PABPC4L: variants seen among roughly 807,000 people sequenced by gnomAD.
The protein encoded by PABPC4L is poly(A) binding protein cytoplasmic 4 like.
For missense variants in PABPC4L, 452 were observed against 451.4 expected, an observed-to-expected ratio of 1.00 and a Z score of -0.01; for synonymous variants, 169 against 164.1, an observed-to-expected ratio of 1.03 and a Z score of -0.23.
chr4:134,170,924 T>C, the PABPC4L span, among the ~76,000 whole-genome samples: 1 of 152,186 alleles, frequency 6.6e-6, no homozygotes, highest in Admixed American at 6.6e-5. Context: ...CTTTCCCCAA[T>C]TGCTGAAATA....
chr4:134,146,193 A>T, the PABPC4L span, among the ~76,000 whole-genome samples: 1 of 151,984 alleles, frequency 6.6e-6, no homozygotes, highest in African/African-American at 2.4e-5. Flanking sequence ...TTATTAACAT[A>T]CTAAATTTAT....
the PABPC4L span, among the ~76,000 whole-genome samples, chr4:134,136,385 T>A: frequency 6.6e-6 from 1 of 152,150 alleles, no homozygotes; most frequent in Non-Finnish European, 1.5e-5. Flanking sequence ...ACATTCCTTC[T>A]GTTAGTCTGC....
chr4:134,094,369 G>A, the PABPC4L span, among the ~76,000 whole-genome samples: 1,930 of 151,932 alleles, frequency 0.013, 41 homozygotes, highest in African/African-American at 0.041. Context: ...AACAAGTTAT[G>A]ATACTAAAAC....
chr4:134,045,710 T>C, the PABPC4L span, among the ~76,000 whole-genome samples: 1 of 152,282 alleles, frequency 6.6e-6, no homozygotes, highest in East Asian at 1.9e-4. Context: ...GGTGCCGTCC[T>C]ACTTACTACT....
At chr4:133,990,591 A>G in the PABPC4L span, among the ~76,000 whole-genome samples, 3 of 152,118 alleles carry the variant, frequency 2.0e-5, no homozygotes, top group Admixed American at 1.3e-4. Flanking sequence ...AGCACCACCA[A>G]TGAGAGTGCA....
the PABPC4L span, among the ~76,000 whole-genome samples, chr4:134,058,057 A>G: frequency 6.6e-6 from 1 of 152,178 alleles, no homozygotes; most frequent in Non-Finnish European, 1.5e-5. Context: ...TTAGGATCTA[A>G]GTGTCTAATA....
chr4:134,174,289 T>C, the PABPC4L span, among the ~76,000 whole-genome samples: 24 of 152,110 alleles, frequency 1.6e-4, no homozygotes, highest in Non-Finnish European at 3.1e-4. Context: ...TACAGTTACC[T>C]TTAAAAAAAA....
the PABPC4L span, among the ~76,000 whole-genome samples, chr4:134,174,961 G>T: frequency 1.3e-5 from 2 of 151,998 alleles, no homozygotes; most frequent in East Asian, 1.9e-4. Flanking sequence ...TTTAAGTATG[G>T]TTTCATTGTA....
chr4:134,018,370 G>GGAC, the PABPC4L span, among the ~76,000 whole-genome samples: 1 of 152,084 alleles, frequency 6.6e-6, no homozygotes, highest in Non-Finnish European at 1.5e-5. Context: ...TCTTCACACT[G>GGAC]ATGCGCATGA....
In PABPC4L at chr4:134,199,705, C is replaced by T. The variant is rs1729782601; in HGVS notation, c.*202G>A. On this transcript the variant is annotated 3_prime_UTR_variant, in exon 2 of 2. Coordinates refer to ENST00000421491, the MANE Select transcript of PABPC4L (RefSeq NM_001114734.2). ...GCAATATTAAAATTAGAAAATGTGC[C>T]TCTGTAAAATGAACTAAGCTCCATC... 5.2e-6 allele frequency: 3 copies of T among 573,276 alleles called. No individual in the cohort carries two copies. In the East Asian group the frequency reaches 9.4e-5, roughly 18 times the overall value. The allele number at this position is 573,276 out of a possible 1,614,324, so 35.5% of individuals were successfully genotyped here.
the PABPC4L span, among the ~76,000 whole-genome samples, chr4:133,990,640 G>A: frequency 6.6e-6 from 1 of 152,202 alleles, no homozygotes; most frequent in South Asian, 2.1e-4. Flanking sequence ...AACAGCAGCA[G>A]CCCCCCTAAG....
At chr4:134,115,814 C>T in the PABPC4L span, among the ~76,000 whole-genome samples, 2 of 151,584 alleles carry the variant, frequency 1.3e-5, no homozygotes, top group African/African-American at 4.8e-5. Flanking sequence ...GAAAAAACAT[C>T]TGAATCAGAA....
the PABPC4L span, among the ~76,000 whole-genome samples, chr4:134,020,561 A>G: frequency 6.6e-6 from 1 of 152,006 alleles, no homozygotes; most frequent in African/African-American, 2.4e-5. Context: ...AGCAAGCCCC[A>G]GCCTCATTTT....
At chr4:134,146,230 T>A in the PABPC4L span, among the ~76,000 whole-genome samples, 1 of 152,138 alleles carries the variant, frequency 6.6e-6, no homozygotes, top group East Asian at 1.9e-4. Flanking sequence ...TGAGAATATC[T>A]ATATTTCAAG....
chr4:134,144,559 T>C, the PABPC4L span, among the ~76,000 whole-genome samples: 1 of 146,178 alleles, frequency 6.8e-6, no homozygotes, highest in African/African-American at 2.6e-5. Flanking sequence ...GAGCTTTCTC[T>C]AAGCCATTGC....
At chr4:134,098,071 C>T in the PABPC4L span, among the ~76,000 whole-genome samples, 2 of 151,852 alleles carry the variant, frequency 1.3e-5, no homozygotes, top group East Asian at 3.9e-4. Flanking sequence ...TCATTAAACT[C>T]TGAGGCTGTT....
the PABPC4L span, among the ~76,000 whole-genome samples, chr4:134,144,589 A>C: frequency 1.3e-5 from 2 of 151,466 alleles, no homozygotes; most frequent in Non-Finnish European, 3.0e-5. Flanking sequence ...TAAAAAAAAA[A>C]AAAAAACAGT....
the PABPC4L span, among the ~76,000 whole-genome samples, chr4:134,171,678 G>A: frequency 1.3e-5 from 2 of 152,000 alleles, no homozygotes; most frequent in Non-Finnish European, 2.9e-5. Flanking sequence ...AGAGCAATCA[G>A]GCAAAGAAAT....
chr4:134,028,830 T>C, the PABPC4L span, among the ~76,000 whole-genome samples: 1 of 152,164 alleles, frequency 6.6e-6, no homozygotes, highest in African/African-American at 2.4e-5. Flanking sequence ...AAACAGCTTG[T>C]AAATTACAGT....
Sources: allele counts gnomAD v4.1 joint callset (sites outside exome capture counted in the v4.1 genomes callset), GRCh38; gene constraint gnomAD v4.1.1; transcripts MANE v1.5; gene names NCBI Gene and HGNC (gene_info 2026-07-23, HGNC 2026-07-21).